The following RNF216 variants were observed in gnomAD, a reference collection of about 807,000 sequenced individuals.
The protein encoded by RNF216 is E3 ubiquitin-protein ligase RNF216.
In RNF216, 72 loss-of-function variants were observed where a neutral mutation model predicts 110.8. The observed-to-expected ratio is 0.65, with a 90% CI of 0.54 to 0.79. The LOEUF (loss-of-function observed/expected upper bound fraction) is 0.79. Ranked by LOEUF, RNF216 falls within the 30% of genes least tolerant of loss-of-function variation. The pLI, the probability that RNF216 is intolerant of heterozygous loss-of-function variation, is 0.00. For missense variants in RNF216, 1,342 were observed against 1,141.2 expected, an observed-to-expected ratio of 1.18 and a Z score of -2.54; for synonymous variants, 495 against 407.5, an observed-to-expected ratio of 1.21 and a Z score of -2.59.
intron 13 of RNF216, chr7:5,666,585 G>A (rs1459918849): frequency 6.6e-6 from 1 of 152,228 alleles, no homozygotes. Context: ...GGCTGTGCAT[G>A]AGGTTGATTC....
Position 5,752,957 on chromosome 7 carries a change from C to T in RNF216, c.90G>A (p.Gly30=). 1.2e-6 allele frequency: 2 copies of T among 1,611,126 alleles called. No homozygotes were observed. The highest frequency in any genetic ancestry group is 1.7e-6 in the Non-Finnish European group (2 of 1,178,806). ...RGQEWINLRD[G]PITISDSSDE... is the part of the protein sequence containing the mutation. ...CTGAGGAGTCAGATATGGTGATGGGCCCATCTCGGAGATTGATCCACTCTA... is the reference window on the plus strand; with the variant it reads ...CTGAGGAGTCAGATATGGTGATGGGTCCATCTCGGAGATTGATCCACTCTA... Residue 30 remains glycine, a synonymous_variant, in exon 3 of 17, where the codon GGG becomes GGA. Coordinates refer to ENST00000389902, the MANE Select transcript of RNF216 (RefSeq NM_207111.4).
rs1216254834 is a variant in RNF216, at chr7:5,741,008, C to T, written c.1009G>A (p.Asp337Asn). ...NIWGQEAAEV[D>N]QELVELLVKE... ...ACTAGTAGTTCAACGAGCTCTTGAT[C>T]TACCTCTGCAGCTTCTTGCCCCCAA... is the stretch of plus-strand genomic sequence containing the variant. Residue 337 changes from aspartate (D) to asparagine (N), a missense_variant, in exon 4 of 17, where the codon GAT becomes AAT. Asp to Asn is a conservative substitution (Grantham distance 23, BLOSUM62 1). Coordinates refer to ENST00000389902, the MANE Select transcript of RNF216 (RefSeq NM_207111.4). 1.2e-6 allele frequency: 2 copies of T among 1,611,406 alleles called. No homozygotes were observed. The highest frequency in any genetic ancestry group is 2.2e-5 in the East Asian group (1 of 44,870).
At chr7:5,650,266 T>G (rs1425202362) in intron 14 of RNF216, among the ~76,000 whole-genome samples, 1 of 152,246 alleles carries the variant, frequency 6.6e-6, no homozygotes, top group Non-Finnish European at 1.5e-5. Context: ...TGTTCTGCTC[T>G]TATCCACTTA....
At chr7:5,743,832 T>A (rs1030643760) in intron 3 of RNF216, among the ~76,000 whole-genome samples, 1 of 152,202 alleles carries the variant, frequency 6.6e-6, no homozygotes, top group Admixed American at 6.5e-5. Flanking sequence ...GGAAATACCC[T>A]GGACCTCCCA....
intron 5 of RNF216, among the ~76,000 whole-genome samples, chr7:5,738,028 T>C (rs1054345781): frequency 8.3e-5 from 12 of 144,302 alleles, no homozygotes; most frequent in Non-Finnish European, 1.8e-4. Flanking sequence ...TGGAGACTGC[T>C]GTTTAAGCCA....
intron 5 of RNF216, among the ~76,000 whole-genome samples, chr7:5,732,350 T>G (rs1794143712): frequency 6.6e-6 from 1 of 152,196 alleles, no homozygotes; most frequent in South Asian, 2.1e-4. Context: ...AGACACGGAC[T>G]AGCTTTAAAA....
At chr7:5,702,573 C>T (rs1401696442) in intron 13 of RNF216, among the ~76,000 whole-genome samples, 2 of 152,056 alleles carry the variant, frequency 1.3e-5, no homozygotes, top group Non-Finnish European at 2.9e-5. Context: ...TATTTTTCTT[C>T]TTCTTTAAAA....
intron 15 of RNF216, among the ~76,000 whole-genome samples, chr7:5,630,256 A>G (rs1027110246): frequency 6.6e-6 from 1 of 152,156 alleles, no homozygotes; most frequent in Admixed American, 6.5e-5. Flanking sequence ...TGCTGGCGTC[A>G]CGGGAAGAAC....
intron 13 of RNF216, among the ~76,000 whole-genome samples, chr7:5,703,861 G>C (rs924718905): frequency 6.6e-6 from 1 of 152,166 alleles, no homozygotes; most frequent in African/African-American, 2.4e-5. Flanking sequence ...ACACAGCTCT[G>C]AGTTTATAAA....
intron 7 of RNF216, among the ~76,000 whole-genome samples, chr7:5,726,628 C>T (rs1048836415): frequency 2.0e-4 from 30 of 152,090 alleles, no homozygotes; most frequent in Admixed American, 3.3e-4. Context: ...GAGGCCGAGG[C>T]AGGTGGATCA....
intron 3 of RNF216, among the ~76,000 whole-genome samples, chr7:5,746,910 C>G (rs772740383): frequency 6.6e-6 from 1 of 152,164 alleles, no homozygotes; most frequent in Non-Finnish European, 1.5e-5. Flanking sequence ...GAGATTCTTA[C>G]TGGCATTCAG....
chr7:5,764,579 C>T (rs912186801), intron 1 of RNF216, among the ~76,000 whole-genome samples: 7 of 150,468 alleles, frequency 4.7e-5, no homozygotes, highest in Non-Finnish European at 1.0e-4. Context: ...ACCCGGGAGG[C>T]GGAGGTTGCA....
At chr7:5,628,241 T>TCC (rs1786837825) in intron 15 of RNF216, among the ~76,000 whole-genome samples, 1 of 152,198 alleles carries the variant, frequency 6.6e-6, no homozygotes, top group South Asian at 2.1e-4. Flanking sequence ...TTGAGTCCTG[T>TCC]CTTGGGAGTC....
intron 13 of RNF216, among the ~76,000 whole-genome samples, chr7:5,687,394 C>CAAAAAAAAAAAAAA (rs372177142): frequency 1.6e-4 from 8 of 49,898 alleles, no homozygotes; most frequent in African/African-American, 4.3e-4. Flanking sequence ...AACTCCACCT[C>CAAAAAAAAAAAAAA]AAAAAAAAAA....
intron 2 of RNF216, among the ~76,000 whole-genome samples, chr7:5,757,819 T>C (rs1180337603): frequency 6.6e-6 from 1 of 152,162 alleles, no homozygotes; most frequent in Non-Finnish European, 1.5e-5. Context: ...ATTCATTTTA[T>C]ACACTTTTAA....
intron 1 of RNF216, among the ~76,000 whole-genome samples, chr7:5,780,923 C>T (rs1412827063): frequency 6.6e-6 from 1 of 152,202 alleles, no homozygotes; most frequent in Non-Finnish European, 1.5e-5. Context: ...GGAGCAGAAC[C>T]ACCTCGACGC....
chr7:5,763,339 T>C (rs1016319042), intron 1 of RNF216, among the ~76,000 whole-genome samples: 2 of 152,096 alleles, frequency 1.3e-5, no homozygotes, highest in African/African-American at 4.8e-5. Flanking sequence ...TCAATAAAGA[T>C]TTCTTTGAGG....
At chr7:5,756,802 A>C (rs1795667553) in intron 2 of RNF216, among the ~76,000 whole-genome samples, 1 of 152,002 alleles carries the variant, frequency 6.6e-6, no homozygotes, top group Admixed American at 6.6e-5. Context: ...TAAATTTTTT[A>C]TATTTAATTT....
At chr7:5,765,137 C>A (rs995128481) in intron 1 of RNF216, among the ~76,000 whole-genome samples, 8 of 151,176 alleles carry the variant, frequency 5.3e-5, no homozygotes, top group Non-Finnish European at 7.4e-5. Context: ...GAGAGTTTAC[C>A]TCCCACAGAT....
Sources: gnomAD v4.1 joint callset for allele counts (sites outside exome capture counted in the v4.1 genomes callset) on GRCh38, gnomAD v4.1.1 for gene constraint, MANE v1.5 for transcripts, NCBI Gene and HGNC (gene_info 2026-07-23, HGNC 2026-07-21) for gene names.